Variants in CXADR observed in about 807,000 individuals in gnomAD.
CXADR encodes coxsackievirus and adenovirus receptor.
A neutral mutation model predicts 40.3 loss-of-function variants in CXADR; 20 were observed. That is an observed-to-expected ratio of 0.50 (90% CI 0.35 to 0.72). The LOEUF (loss-of-function observed/expected upper bound fraction) is 0.72. CXADR is among the 30% of genes least tolerant of loss of function. The pLI is 0.01. For missense variants in CXADR, 332 were observed against 449.1 expected, an observed-to-expected ratio of 0.74 and a Z score of 2.36; for synonymous variants, 150 against 161.3, an observed-to-expected ratio of 0.93 and a Z score of 0.53.
At chr21:17,551,042 A>G (rs1279828578) in intron 2 of CXADR, among the ~76,000 whole-genome samples, 1 of 152,154 alleles carries the variant, frequency 6.6e-6, no homozygotes, top group Non-Finnish European at 1.5e-5. Flanking sequence ...GGCAGTAGGT[A>G]CTTGATTTTG....
the CXADR span, chr21:17,598,627 G>A: frequency 6.2e-7 from 1 of 1,613,788 alleles, no homozygotes; most frequent in South Asian, 1.1e-5. Context: ...CTGGTACACA[G>A]GACTTGCGGC....
chr21:17,599,980 T>C, the CXADR span, among the ~76,000 whole-genome samples: 1 of 152,240 alleles, frequency 6.6e-6, no homozygotes, highest in Non-Finnish European at 1.5e-5. Context: ...TTTGCTTAAA[T>C]TATATTGCTT....
At chr21:17,521,779 A>C (rs1163175611) in intron 1 of CXADR, among the ~76,000 whole-genome samples, 4 of 152,220 alleles carry the variant, frequency 2.6e-5, no homozygotes, top group South Asian at 4.1e-4. Context: ...AAGCCAGCAG[A>C]TAAAGACTCT....
chr21:17,551,170 C>T (rs1028465288), intron 2 of CXADR, among the ~76,000 whole-genome samples: 2 of 152,096 alleles, frequency 1.3e-5, no homozygotes, highest in Non-Finnish European at 2.9e-5. Context: ...GAAGCCAAGG[C>T]GGGTGGATCC....
chr21:17,598,902 C>T, the CXADR span: 3 of 1,102,426 alleles, frequency 2.7e-6, no homozygotes, highest in Non-Finnish European at 3.9e-6. Flanking sequence ...ACAAAGAGAT[C>T]TGGACATGCC....
At chr21:17,551,678 G>C in intron 2 of CXADR, 71 bp from the exon 3 acceptor site, 4 of 1,365,824 alleles carry the variant, frequency 2.9e-6, no homozygotes, top group East Asian at 2.5e-5. Context: ...GTGTATCCAG[G>C]GCTCCTTTAA....
the CXADR span, among the ~76,000 whole-genome samples, chr21:17,603,926 T>C: frequency 6.6e-5 from 10 of 152,208 alleles, no homozygotes; most frequent in Non-Finnish European, 1.3e-4. Context: ...ACTTTTCTTC[T>C]CAATTTCAAA....
At chr21:17,623,434 A>G in the CXADR span, among the ~76,000 whole-genome samples, 1 of 152,298 alleles carries the variant, frequency 6.6e-6, no homozygotes, top group East Asian at 1.9e-4. Flanking sequence ...AAAAAATTTA[A>G]TGTAAGAGAG....
intron 2 of CXADR, among the ~76,000 whole-genome samples, chr21:17,547,952 A>T (rs2060920031): frequency 6.6e-6 from 1 of 152,182 alleles, no homozygotes; most frequent in South Asian, 2.1e-4. Context: ...AGGAGGAAAC[A>T]TGCCTAATAA....
At chr21:17,601,401 A>C in the CXADR span, among the ~76,000 whole-genome samples, 1 of 152,076 alleles carries the variant, frequency 6.6e-6, no homozygotes, top group African/African-American at 2.4e-5. Flanking sequence ...GCTTACATCT[A>C]TAATTCTAGT....
At chr21:17,591,332 T>TA (rs1023371956) in intron 7 of CXADR, among the ~76,000 whole-genome samples, 13 of 151,978 alleles carry the variant, frequency 8.6e-5, no homozygotes, top group African/African-American at 3.1e-4. Flanking sequence ...TAATAAAAAT[T>TA]AAAAAAATTA....
the CXADR span, among the ~76,000 whole-genome samples, chr21:17,606,616 T>C: frequency 1.3e-5 from 2 of 152,142 alleles, no homozygotes; most frequent in African/African-American, 4.8e-5. Flanking sequence ...AAATTATATA[T>C]AAATATAGAT....
chr21:17,628,523 C>T, the CXADR span, among the ~76,000 whole-genome samples: 11 of 151,564 alleles, frequency 7.3e-5, no homozygotes, highest in South Asian at 2.1e-4. Context: ...TTTTTTGAGA[C>T]GGAGTCTCGC....
intron 7 of CXADR, among the ~76,000 whole-genome samples, chr21:17,580,649 A>G (rs759593441): frequency 6.6e-6 from 1 of 152,136 alleles, no homozygotes; most frequent in Non-Finnish European, 1.5e-5. Flanking sequence ...AGTCTAAACC[A>G]TAGGTTTAGT....
the CXADR span, among the ~76,000 whole-genome samples, chr21:17,622,258 C>T: frequency 2.0e-5 from 3 of 152,048 alleles, no homozygotes; most frequent in Admixed American, 6.6e-5. Context: ...AAAATGTTAC[C>T]GTAAAGAGCT....
chr21:17,604,880 G>A, the CXADR span: 5 of 1,614,038 alleles, frequency 3.1e-6, no homozygotes, highest in Non-Finnish European at 4.2e-6. Flanking sequence ...CCTCACATGG[G>A]TCCACCCAGA....
At chr21:17,590,530 T>C (rs2061427666) in intron 7 of CXADR, among the ~76,000 whole-genome samples, 1 of 152,104 alleles carries the variant, frequency 6.6e-6, no homozygotes, top group African/African-American at 2.4e-5. Flanking sequence ...TGCATGAGCC[T>C]TCCCTTGTGC....
chr21:17,541,755 T>C (rs1235694567), intron 1 of CXADR, among the ~76,000 whole-genome samples: 4 of 152,188 alleles, frequency 2.6e-5, no homozygotes, highest in African/African-American at 7.2e-5. Flanking sequence ...GGCTAGAGTA[T>C]GCATTTTTGA....
At chr21:17,580,735 T>TA (rs1458870925) in intron 7 of CXADR, among the ~76,000 whole-genome samples, 1 of 152,164 alleles carries the variant, frequency 6.6e-6, no homozygotes, top group African/African-American at 2.4e-5. Flanking sequence ...ATGTATTTTT[T>TA]AAAAAATAAA....
Sources: gnomAD v4.1 joint callset for allele counts (sites outside exome capture counted in the v4.1 genomes callset) on GRCh38, gnomAD v4.1.1 for gene constraint, MANE v1.5 for transcripts, NCBI Gene and HGNC (gene_info 2026-07-23, HGNC 2026-07-21) for gene names.